JMJD1C: variants seen among roughly 807,000 people sequenced by gnomAD.
The protein encoded by JMJD1C is jumonji domain containing 1C.
Under a neutral mutation model 245.3 loss-of-function variants are expected in JMJD1C, and 31 were observed. The ratio of observed to expected loss-of-function variants is 0.13; its 90% CI spans 0.09 to 0.17. The LOEUF is 0.17. Among genes scored for constraint, JMJD1C ranks in the 10% least tolerant of loss-of-function variants. JMJD1C has a pLI of 1.00. For synonymous variants in JMJD1C, 1,057 were observed against 1,017.4 expected (o/e 1.04, Z -0.74); for missense variants, 2,691 against 3,000.2 (o/e 0.90, Z 2.41).
At chr10:63,233,515 T>C (rs1392678991) in intron 3 of JMJD1C, among the ~76,000 whole-genome samples, 3 of 151,926 alleles carry the variant, frequency 2.0e-5, no homozygotes, top group Non-Finnish European at 4.4e-5. Context: ...AATACAAGGG[T>C]ATTTTAATAT....
At chr10:63,429,361 A>C (rs1415105277) in intron 1 of JMJD1C, among the ~76,000 whole-genome samples, 1 of 152,100 alleles carries the variant, frequency 6.6e-6, no homozygotes, top group Non-Finnish European at 1.5e-5. Flanking sequence ...AAAAAAAAAG[A>C]CAGCTTTGAA....
chr10:63,407,795 A>G (rs902376360), intron 1 of JMJD1C, among the ~76,000 whole-genome samples: 1 of 151,556 alleles, frequency 6.6e-6, no homozygotes, highest in African/African-American at 2.4e-5. Flanking sequence ...GATGCTATCA[A>G]AATACAACAA....
At chr10:63,478,893 G>T (rs1421819913) in intron 1 of JMJD1C, among the ~76,000 whole-genome samples, 1 of 152,120 alleles carries the variant, frequency 6.6e-6, no homozygotes, top group Non-Finnish European at 1.5e-5. Flanking sequence ...TTGAGCCCAA[G>T]TGTTCAAGGT....
At chr10:63,439,093 T>C (rs1225860478) in intron 1 of JMJD1C, among the ~76,000 whole-genome samples, 3 of 152,214 alleles carry the variant, frequency 2.0e-5, no homozygotes, top group African/African-American at 7.2e-5. Context: ...ACTTCAATCT[T>C]TAACTGCTAT....
intron 1 of JMJD1C, among the ~76,000 whole-genome samples, chr10:63,396,310 G>T (rs1948482908): frequency 6.6e-6 from 1 of 152,122 alleles, no homozygotes; most frequent in African/African-American, 2.4e-5. Flanking sequence ...GTGGGCCGAA[G>T]ATTACTGAAC....
intron 1 of JMJD1C, among the ~76,000 whole-genome samples, chr10:63,400,451 T>C (rs2132578950): frequency 6.6e-6 from 1 of 152,326 alleles, no homozygotes; most frequent in African/African-American, 2.4e-5. Flanking sequence ...ACCTTATAGG[T>C]GAACATTGTT....
intron 2 of JMJD1C, among the ~76,000 whole-genome samples, chr10:63,294,580 T>C (rs1200437219): frequency 6.6e-6 from 1 of 152,016 alleles, no homozygotes; most frequent in African/African-American, 2.4e-5. Context: ...CACTGCACCC[T>C]GGTCAATCTT....
chr10:63,373,582 AAAG>A (rs550403173), intron 2 of JMJD1C, among the ~76,000 whole-genome samples: 35 of 152,318 alleles, frequency 2.3e-4, no homozygotes, highest in African/African-American at 8.4e-4. Context: ...AAACAACTAG[AAAG>A]AAGATAATAA....
At chr10:63,373,788 A>C (rs918957236) in intron 2 of JMJD1C, among the ~76,000 whole-genome samples, 1 of 152,220 alleles carries the variant, frequency 6.6e-6, no homozygotes, top group African/African-American at 2.4e-5. Context: ...AGGAATTTTA[A>C]AACGCTTAAC....
At chr10:63,223,105 C>T (rs1252183148) in intron 3 of JMJD1C, 6 of 594,886 alleles carry the variant, frequency 1.0e-5, no homozygotes, top group East Asian at 3.1e-5. Context: ...TAAAACTTAC[C>T]GATAGTTTCA....
chr10:63,440,651 T>G (rs1413891692), intron 1 of JMJD1C, among the ~76,000 whole-genome samples: 1 of 152,044 alleles, frequency 6.6e-6, no homozygotes, highest in African/African-American at 2.4e-5. Context: ...GACAACTGAG[T>G]CTCAGAAGGA....
intron 10 of JMJD1C, 103 bp downstream of exon 10, chr10:63,206,492 G>T: frequency 1.2e-6 from 1 of 836,064 alleles, no homozygotes; most frequent in South Asian, 2.0e-5. Context: ...CGCAAATGAA[G>T]ACAAAGGATG....
intron 1 of JMJD1C, among the ~76,000 whole-genome samples, chr10:63,401,012 C>A (rs1482288655): frequency 6.6e-6 from 1 of 152,034 alleles, no homozygotes; most frequent in Non-Finnish European, 1.5e-5. Flanking sequence ...GTGCCCTCCA[C>A]CACACCCGGC....
chr10:63,398,067 T>C (rs1298428341), intron 1 of JMJD1C, among the ~76,000 whole-genome samples: 1 of 152,206 alleles, frequency 6.6e-6, no homozygotes, highest in Non-Finnish European at 1.5e-5. Flanking sequence ...TCTCAACTCA[T>C]GGCAAACCTT....
chr10:63,437,277 A>G (rs1246575860), intron 1 of JMJD1C, among the ~76,000 whole-genome samples: 1 of 152,164 alleles, frequency 6.6e-6, no homozygotes, highest in Non-Finnish European at 1.5e-5. Context: ...TATTTCATTC[A>G]ATCTTTACTC....
At chr10:63,256,322 G>A (rs557309049) in intron 3 of JMJD1C, among the ~76,000 whole-genome samples, 4 of 152,112 alleles carry the variant, frequency 2.6e-5, no homozygotes, top group African/African-American at 9.6e-5. Flanking sequence ...ATGTACTGGG[G>A]TAATTTATGG....
intron 2 of JMJD1C, among the ~76,000 whole-genome samples, chr10:63,328,045 C>G (rs547193885): frequency 6.6e-6 from 1 of 152,146 alleles, no homozygotes; most frequent in East Asian, 2.0e-4. Context: ...GAGGCCAAGC[C>G]AGGCGGATCA....
Position 63,176,352 on chromosome 10 carries a change from G to A in JMJD1C, c.7346C>T (p.Thr2449Ile). 6.2e-7 allele frequency: 1 copy of A among 1,614,000 alleles called. No individual in the cohort carries two copies. The highest frequency in any genetic ancestry group is 8.5e-7 in the Non-Finnish European group (1 of 1,179,926). Residue 2449 changes from threonine (T) to isoleucine (I), a missense_variant, in exon 24 of 26, where the codon ACT (threonine) becomes ATT (isoleucine). Physicochemically the swap from Thr to Ile is moderately conservative, Grantham distance 89. Coordinates refer to ENST00000399262, the MANE Select transcript of JMJD1C (RefSeq NM_032776.3). ...AGCATCACCAAGGAACTGAATAAGAGTACAGGTTCTGACTCCATATTCTTC... is the reference window on the plus strand; with the variant it reads ...AGCATCACCAAGGAACTGAATAAGAATACAGGTTCTGACTCCATATTCTTC... The part of the protein sequence containing the change: ...LLEEYGVRTC[T>I]LIQFLGDAIV...
At chr10:63,452,687 G>C (rs544171480) in intron 1 of JMJD1C, among the ~76,000 whole-genome samples, 2 of 152,072 alleles carry the variant, frequency 1.3e-5, no homozygotes, top group Non-Finnish European at 2.9e-5. Flanking sequence ...CTACCCTTTG[G>C]TAGATAAATA....
Sources: gnomAD v4.1 joint callset for allele counts (sites outside exome capture counted in the v4.1 genomes callset) on GRCh38, gnomAD v4.1.1 for gene constraint, MANE v1.5 for transcripts, NCBI Gene and HGNC (gene_info 2026-07-23, HGNC 2026-07-21) for gene names.